The following RNF216 variants were observed in gnomAD, a reference collection of about 807,000 sequenced individuals.
RNF216 encodes ring finger protein 216.
In RNF216, 72 loss-of-function variants were observed where a neutral mutation model predicts 110.8. The ratio of observed to expected loss-of-function variants is 0.65; its 90% CI spans 0.54 to 0.79. RNF216 has a LOEUF of 0.79. Among genes scored for constraint, RNF216 ranks in the 30% least tolerant of loss-of-function variants. The probability of loss-of-function intolerance (pLI) is 0.00; values close to 1 mark genes in which losing one functional copy is unlikely to be tolerated. For missense variants in RNF216, 1,342 were observed against 1,141.2 expected, an observed-to-expected ratio of 1.18 and a Z score of -2.54; for synonymous variants, 495 against 407.5, an observed-to-expected ratio of 1.21 and a Z score of -2.59.
At position 5,695,024 on chromosome 7, in the gene RNF216, C is replaced by CA. The variant is rs557701619; in HGVS notation, c.2061+16736dup. The stretch of plus-strand genomic sequence containing the variant: ...TTCTGTGGCTCAACTTTAACTGAGC[C>CA]AAAAAATACACTAATGGGCCAATGG... On this transcript the variant is annotated intron_variant, in intron 13 of 16. Transcript: ENST00000389902. Among the ~76,000 whole-genome samples the CA allele has an allele frequency of 1.7e-3, 252 of 152,076 alleles. 2 individuals carry two copies. The highest frequency in any genetic ancestry group is 3.1e-3 in the Admixed American group (48 of 15,284).
At chr7:5,753,781 G>A (rs1795456796) in intron 2 of RNF216, among the ~76,000 whole-genome samples, 1 of 152,194 alleles carries the variant, frequency 6.6e-6, no homozygotes. Context: ...TGGATCATGA[G>A]GTCAGGAGTT....
At chr7:5,765,914 C>T (rs12532901) in intron 1 of RNF216, among the ~76,000 whole-genome samples, 142,995 of 147,450 alleles carry the variant, frequency 0.97, 69,376 homozygotes, top group Middle Eastern at 0.98. Context: ...GATTGCACCA[C>T]TGCAGTCCAG....
intron 13 of RNF216, among the ~76,000 whole-genome samples, chr7:5,659,756 T>A (rs2128583790): frequency 6.6e-6 from 1 of 152,230 alleles, no homozygotes; most frequent in African/African-American, 2.4e-5. Flanking sequence ...CCTCCATAAA[T>A]AAGGGCACAG....
chr7:5,714,436 T>A (rs1355416138), intron 11 of RNF216, among the ~76,000 whole-genome samples: 2 of 152,050 alleles, frequency 1.3e-5, no homozygotes, highest in Admixed American at 1.3e-4. Flanking sequence ...TCTTGTATTT[T>A]TAGTAGAGAT....
chr7:5,732,561 A>G (rs985874372), intron 5 of RNF216, among the ~76,000 whole-genome samples: 9 of 152,260 alleles, frequency 5.9e-5, no homozygotes, highest in African/African-American at 1.9e-4. Flanking sequence ...TCCACATGAC[A>G]GAAATCAGAA....
intron 14 of RNF216, among the ~76,000 whole-genome samples, chr7:5,642,964 G>A: frequency 1.3e-5 from 2 of 152,288 alleles, no homozygotes; most frequent in Middle Eastern, 3.4e-3. Flanking sequence ...AAGGAGAGAA[G>A]AGGCTGTAAA....
Position 5,730,901 on chromosome 7 carries a change from T to C in RNF216, c.1122-84A>G, listed in dbSNP as rs970438632. 6.4e-6 allele frequency: 10 copies of C among 1,555,276 alleles called. No homozygotes were observed. The African/African-American group carries it at 1.3e-4, about 19-fold the overall frequency. ...CTTCAAATGCAATGGTTGAAGAATA[T>C]AGTCCTTAGTCACACATTACAACTG... is the stretch of plus-strand genomic sequence containing the variant. On this transcript the variant is annotated intron_variant, in intron 5 of 16. Transcript: ENST00000389902.
chr7:5,780,011 T>C (rs1156630174), intron 1 of RNF216: 2 of 151,844 alleles, frequency 1.3e-5, no homozygotes, highest in Non-Finnish European at 2.9e-5. Flanking sequence ...ACAAACCCAT[T>C]TTTATAAGAC....
At chr7:5,741,846 T>A (rs748363302) in intron 3 of RNF216, 31 bp from the exon 4 acceptor site, 1 of 1,562,966 alleles carries the variant, frequency 6.4e-7, no homozygotes, top group Admixed American at 1.9e-5. Flanking sequence ...AATAATTCAA[T>A]TTCTTTCCTA....
At chr7:5,646,822 CCTGAT>C (rs1788078740) in intron 14 of RNF216, among the ~76,000 whole-genome samples, 1 of 152,030 alleles carries the variant, frequency 6.6e-6, no homozygotes, top group Admixed American at 6.6e-5. Context: ...ATCCTCCCAT[CCTGAT>C]CTTTGCAGTT....
chr7:5,639,037 C>T (rs1169699963), intron 15 of RNF216, among the ~76,000 whole-genome samples: 1 of 152,202 alleles, frequency 6.6e-6, no homozygotes, highest in East Asian at 1.9e-4. Context: ...TCTTCCTCCA[C>T]AGACATTCTG....
At chr7:5,704,394 C>A (rs1366652085) in intron 13 of RNF216, among the ~76,000 whole-genome samples, 2 of 152,164 alleles carry the variant, frequency 1.3e-5, no homozygotes, top group Non-Finnish European at 2.9e-5. Flanking sequence ...TATCAGGAAT[C>A]CTCAAGGATT....
At chr7:5,660,794 T>C (rs1789069052) in intron 13 of RNF216, among the ~76,000 whole-genome samples, 2 of 151,650 alleles carry the variant, frequency 1.3e-5, no homozygotes, top group Middle Eastern at 3.4e-3. Context: ...GGTCTCAAAC[T>C]CCTGGAGTCA....
Position 5,624,812 on chromosome 7 carries a change from G to A in RNF216, c.2383-687C>T, listed in dbSNP as rs1299633627. ...GTGAGTGCAGGCAGATGTGGGAGCT[G>A]TGCTGGGAAACTCAGGGGCCACACT... On this transcript the variant is annotated intron_variant, in intron 15 of 16. Coordinates refer to ENST00000389902, the MANE Select transcript of RNF216 (RefSeq NM_207111.4). The surrounding 1 kb of genome is among the most constrained non-coding windows in gnomAD (Gnocchi z 4.4). Among the ~76,000 whole-genome samples the A allele has an allele frequency of 6.6e-6, 1 of 152,234 alleles. No individual in the cohort carries two copies.
chr7:5,735,480 C>T (rs1015384097), intron 5 of RNF216, among the ~76,000 whole-genome samples: 1 of 152,046 alleles, frequency 6.6e-6, no homozygotes, highest in Non-Finnish European at 1.5e-5. Context: ...GAGCAAAACT[C>T]TAGGAAAATA....
Position 5,741,814 on chromosome 7 carries a change from G to A in RNF216, c.203C>T (p.Thr68Ile). 6.3e-7 allele frequency: 1 copy of A among 1,585,236 alleles called. No individual in the cohort carries two copies. Among genetic ancestry groups the A allele is most frequent in the Non-Finnish European group, 8.5e-7 (1 of 1,170,254 alleles). ...DLDDDVILTE[T>I]NKPQRSRPNL... ...GGGTCGTGATCTCTGAGGTTTATTT[G>A]TCTAAGAAAAAATGAAATTTTAATA... Residue 68 changes from threonine (T) to isoleucine (I), a missense_variant and splice_region_variant, in exon 4 of 17, where the codon ACA becomes ATA. Physicochemically the swap from Thr to Ile is moderately conservative, Grantham distance 89 (BLOSUM62 -1). Transcript: ENST00000389902.
chr7:5,635,327 T>C (rs191575168), intron 15 of RNF216, among the ~76,000 whole-genome samples: 16 of 151,388 alleles, frequency 1.1e-4, no homozygotes, highest in Non-Finnish European at 2.1e-4. Context: ...ATGATATTTA[T>C]GACAGTGATG....
intron 15 of RNF216, among the ~76,000 whole-genome samples, chr7:5,631,972 C>A (rs77434248): frequency 6.6e-6 from 1 of 152,212 alleles, no homozygotes; most frequent in Non-Finnish European, 1.5e-5. Flanking sequence ...CATAAGAGGA[C>A]CCTGAGGCTC....
chr7:5,715,303 A>G, intron 10 of RNF216, 113 bp from the exon 11 acceptor site: 1 of 1,067,440 alleles, frequency 9.4e-7, no homozygotes, highest in Non-Finnish European at 1.4e-6. Context: ...AGGTAAAGCA[A>G]CCCATTTTAG....
Sources: gnomAD v4.1 joint callset for allele counts (sites outside exome capture counted in the v4.1 genomes callset) on GRCh38, gnomAD v4.1.1 for gene constraint, Gnocchi (gnomAD v3.1) non-coding constraint, MANE v1.5 for transcripts, NCBI Gene and HGNC (gene_info 2026-07-23, HGNC 2026-07-21) for gene names.